The following PLCL1 variants were observed in gnomAD, a reference collection of about 807,000 sequenced individuals.
The protein encoded by PLCL1 is inactive phospholipase C-like protein 1.
PLCL1 carries 41 observed loss-of-function variants against 84.4 expected under a neutral mutation model. The ratio of observed to expected loss-of-function variants is 0.49; its 90% CI spans 0.38 to 0.63. The LOEUF (loss-of-function observed/expected upper bound fraction) is 0.63. Ranked by LOEUF, PLCL1 falls within the 30% of genes least tolerant of loss-of-function variation. The pLI is 0.00. For synonymous variants in PLCL1, 490 were observed against 488.3 expected (o/e 1.00, Z -0.05); for missense variants, 1,206 against 1,367.8 (o/e 0.88, Z 1.87).
intron 1 of PLCL1, among the ~76,000 whole-genome samples, chr2:197,978,350 G>C (rs957646489): frequency 6.6e-6 from 1 of 152,110 alleles, no homozygotes; most frequent in Non-Finnish European, 1.5e-5. Flanking sequence ...GGTGGTGGGC[G>C]CCTGTAGTCC....
chr2:198,037,498 A>T (rs1691574433), intron 1 of PLCL1, among the ~76,000 whole-genome samples: 2 of 152,322 alleles, frequency 1.3e-5, no homozygotes, highest in South Asian at 2.1e-4. Context: ...GCACTCTTGA[A>T]ATTAGTTATT....
At chr2:198,063,737 T>C (rs890779571) in intron 1 of PLCL1, among the ~76,000 whole-genome samples, 1 of 152,230 alleles carries the variant, frequency 6.6e-6, no homozygotes, top group African/African-American at 2.4e-5. Context: ...TATTTAGGGT[T>C]CATACCATTA....
intron 1 of PLCL1, among the ~76,000 whole-genome samples, chr2:197,806,634 T>A (rs1217740523): frequency 6.6e-6 from 1 of 152,234 alleles, no homozygotes; most frequent in Non-Finnish European, 1.5e-5. Context: ...TGTTCTATTC[T>A]GGGTGTGAAT....
intron 5 of PLCL1, among the ~76,000 whole-genome samples, chr2:198,127,202 G>T (rs1193512728): frequency 6.6e-6 from 1 of 152,030 alleles, no homozygotes; most frequent in Non-Finnish European, 1.5e-5. Flanking sequence ...TCTTTACTGT[G>T]AATAATCATA....
rs1437340708 is a variant in PLCL1, at chr2:197,843,456, G to T, written c.240+38117G>T. Among the ~76,000 whole-genome samples, 11 of 152,086 alleles carry T rather than the reference G, an allele frequency of 7.2e-5. 1 individual carries two copies. The highest frequency in any genetic ancestry group is 7.2e-4 in the Admixed American group (11 of 15,280). On this transcript the variant is annotated intron_variant, in intron 1 of 5. Transcript: ENST00000428675. ...TCCCTGTGTGAGGACAGGTATTATT[G>T]GGTATGAGTACATGTGTTCTTCTTC...
intron 1 of PLCL1, among the ~76,000 whole-genome samples, chr2:197,861,117 T>TG (rs1415742882): frequency 6.6e-6 from 1 of 152,184 alleles, no homozygotes; most frequent in Non-Finnish European, 1.5e-5. Context: ...TGGCAGCCCC[T>TG]GGGTAGCTTC....
At chr2:198,144,396 T>C (rs1404391130) in intron 5 of PLCL1, among the ~76,000 whole-genome samples, 2 of 152,182 alleles carry the variant, frequency 1.3e-5, no homozygotes, top group African/African-American at 2.4e-5. Flanking sequence ...ACATATACAT[T>C]ATACATATCT....
chr2:197,892,398 G>A lies in PLCL1; in HGVS notation c.240+87059G>A, dbSNP rs141965101. 2.1e-3 allele frequency among the ~76,000 whole-genome samples: 325 copies of A among 152,278 alleles called. 1 individual carries two copies. The highest frequency in any genetic ancestry group is 7.4e-3 in the African/African-American group (306 of 41,552). ...TCCTAAATTGAATGCCTGGTTTGGA[G>A]TCCAGTGTGTTTTCATCTCAGCATG... On this transcript the variant is annotated intron_variant, in intron 1 of 5. Transcript: ENST00000428675.
intron 1 of PLCL1, among the ~76,000 whole-genome samples, chr2:197,875,660 C>T (rs772757834): frequency 1.3e-5 from 2 of 151,992 alleles, no homozygotes; most frequent in African/African-American, 2.4e-5. Context: ...AACACCCAAT[C>T]TTCCTGTTAT....
chr2:198,120,900 C>G (rs1416804992), intron 5 of PLCL1, among the ~76,000 whole-genome samples: 1 of 151,988 alleles, frequency 6.6e-6, no homozygotes, highest in African/African-American at 2.4e-5. Flanking sequence ...CCAAATTGTT[C>G]TCCATAGTGG....
chr2:198,007,528 G>A (rs1344084340), intron 1 of PLCL1, among the ~76,000 whole-genome samples: 1 of 152,126 alleles, frequency 6.6e-6, no homozygotes, highest in Non-Finnish European at 1.5e-5. Flanking sequence ...CAGGCACAAG[G>A]GAGCCCACTG....
At chr2:198,128,303 T>C (rs1694039660) in intron 5 of PLCL1, among the ~76,000 whole-genome samples, 1 of 152,152 alleles carries the variant, frequency 6.6e-6, no homozygotes, top group Non-Finnish European at 1.5e-5. Flanking sequence ...AAAGAGCTGA[T>C]TCATCTAGAC....
intron 1 of PLCL1, among the ~76,000 whole-genome samples, chr2:198,049,639 A>C (rs1271842107): frequency 1.3e-5 from 2 of 152,188 alleles, no homozygotes; most frequent in East Asian, 3.9e-4. Context: ...AGGCTACAAA[A>C]AGCAGCAGGT....
At chr2:198,033,976 ATT>A (rs975193127) in intron 1 of PLCL1, among the ~76,000 whole-genome samples, 1 of 151,998 alleles carries the variant, frequency 6.6e-6, no homozygotes, top group African/African-American at 2.4e-5. Context: ...ATTTTAAAAA[ATT>A]TGATTTTTAT....
chr2:197,811,529 CATT>C (rs1338385773), intron 1 of PLCL1, among the ~76,000 whole-genome samples: 2 of 152,140 alleles, frequency 1.3e-5, no homozygotes, highest in African/African-American at 4.8e-5. Flanking sequence ...TTTACATTAT[CATT>C]ATCACTTCAG....
intron 1 of PLCL1, among the ~76,000 whole-genome samples, chr2:197,870,964 G>A (rs763596831): frequency 6.6e-6 from 1 of 151,978 alleles, no homozygotes; most frequent in Non-Finnish European, 1.5e-5. Flanking sequence ...TGCTCACCTC[G>A]GGAGAGGAGC....
chr2:198,072,642 AG>A (rs1238198097), intron 1 of PLCL1, among the ~76,000 whole-genome samples: 3 of 152,032 alleles, frequency 2.0e-5, no homozygotes, highest in African/African-American at 7.2e-5. Flanking sequence ...GATTATGTTA[AG>A]GAAGTTTTCT....
chr2:197,811,304 C>CA (rs1176698952), intron 1 of PLCL1, among the ~76,000 whole-genome samples: 1 of 152,162 alleles, frequency 6.6e-6, no homozygotes. Flanking sequence ...TTAATGGCAA[C>CA]AAAATCATAG....
chr2:197,924,181 G>C (rs886123457), intron 1 of PLCL1, among the ~76,000 whole-genome samples: 1 of 138,888 alleles, frequency 7.2e-6, no homozygotes, highest in African/African-American at 2.7e-5. Flanking sequence ...GAGGGAGAGG[G>C]AGAGGCCCCC....
Sources: allele counts gnomAD v4.1 joint callset (sites outside exome capture counted in the v4.1 genomes callset), GRCh38; gene constraint gnomAD v4.1.1; transcripts MANE v1.5; gene names NCBI Gene and HGNC (gene_info 2026-07-23, HGNC 2026-07-21).